SMYD3: variants seen among roughly 807,000 people sequenced by gnomAD.
SMYD3 encodes histone-lysine N-methyltransferase SMYD3.
A neutral mutation model predicts 57.7 loss-of-function variants in SMYD3; 36 were observed. The observed-to-expected ratio is 0.62, with a 90% CI of 0.48 to 0.82. The LOEUF (loss-of-function observed/expected upper bound fraction) is 0.82. Ranked by LOEUF, SMYD3 falls within the 40% of genes least tolerant of loss-of-function variation. The pLI, the probability that SMYD3 is intolerant of heterozygous loss-of-function variation, is 0.00. For synonymous variants in SMYD3, 211 were observed against 195.0 expected (o/e 1.08, Z -0.68); for missense variants, 515 against 538.8 (o/e 0.96, Z 0.44).
intron 10 of SMYD3, among the ~76,000 whole-genome samples, chr1:245,851,019 T>C (rs953000343): frequency 3.3e-5 from 5 of 152,156 alleles, no homozygotes; most frequent in Admixed American, 1.3e-4. Flanking sequence ...ATTCTCTATA[T>C]GAGGCTTTAA....
At chr1:246,271,832 AC>A (rs1334312087) in intron 5 of SMYD3, among the ~76,000 whole-genome samples, 1 of 152,210 alleles carries the variant, frequency 6.6e-6, no homozygotes, top group Non-Finnish European at 1.5e-5. Context: ...CTGCAAAAAA[AC>A]ATCATTGCGA....
intron 1 of SMYD3, among the ~76,000 whole-genome samples, chr1:246,419,016 AC>A (rs143316117): frequency 6.6e-6 from 1 of 151,774 alleles, no homozygotes; most frequent in South Asian, 2.1e-4. Context: ...TTGTGACAAT[AC>A]CCCCTCCCCG....
chr1:246,119,175 C>T (rs1260391288), intron 5 of SMYD3, among the ~76,000 whole-genome samples: 1 of 152,062 alleles, frequency 6.6e-6, no homozygotes, highest in East Asian at 1.9e-4. Flanking sequence ...CGCATGCCAA[C>T]ATGCTTGGCT....
At chr1:246,057,440 AAT>A (rs1204756840) in intron 5 of SMYD3, among the ~76,000 whole-genome samples, 11 of 152,186 alleles carry the variant, frequency 7.2e-5, no homozygotes, top group African/African-American at 2.7e-4. Context: ...CTGTTCCTCA[AAT>A]ATAGTTTTTG....
chr1:246,160,395 G>A (rs1267677828), intron 5 of SMYD3, among the ~76,000 whole-genome samples: 1 of 152,096 alleles, frequency 6.6e-6, no homozygotes, highest in Non-Finnish European at 1.5e-5. Flanking sequence ...CATATTAGTG[G>A]GAAAGCAGAT....
intron 10 of SMYD3, among the ~76,000 whole-genome samples, chr1:245,803,689 A>G (rs1012494654): frequency 2.0e-5 from 3 of 152,232 alleles, no homozygotes; most frequent in African/African-American, 4.8e-5. Context: ...TAAGGAAAGG[A>G]AAATCATTAT....
intron 11 of SMYD3, among the ~76,000 whole-genome samples, chr1:245,762,641 T>G (rs1395025933): frequency 4.6e-5 from 7 of 152,204 alleles, no homozygotes; most frequent in African/African-American, 1.7e-4. Flanking sequence ...AATCCTAGTG[T>G]TACTCCCGTT....
At chr1:246,445,413 T>C (rs560226089) in intron 1 of SMYD3, among the ~76,000 whole-genome samples, 1 of 152,268 alleles carries the variant, frequency 6.6e-6, no homozygotes, top group South Asian at 2.1e-4. Flanking sequence ...GTCCCTAAAA[T>C]TGCCTTCCAT....
rs1388286678 is a variant in SMYD3, at chr1:246,276,279, G to C, written c.531+50922C>G. 3.9e-4 allele frequency among the ~76,000 whole-genome samples: 47 copies of C among 119,842 alleles called. 2 individuals are homozygous for C. Among genetic ancestry groups the C allele is most frequent in the African/African-American group, 1.4e-3 (46 of 33,386 alleles). The allele number at this position is 119,842 out of a possible 152,430, so 78.6% of individuals were successfully genotyped here. A position where few individuals can be genotyped will look rare whatever the true frequency, so the allele number is the denominator to read the frequency against. On this transcript the variant is annotated intron_variant, in intron 5 of 11. Coordinates refer to ENST00000490107, the MANE Select transcript of SMYD3 (RefSeq NM_001167740.2). ...GAATACTAACTCTGTTTTTTCACTA[G>C]CCGTATTAACACTGGCAAGTTATTT... is the stretch of plus-strand genomic sequence containing the variant.
chr1:246,036,600 C>T (rs1231441515), intron 5 of SMYD3, among the ~76,000 whole-genome samples: 1 of 150,388 alleles, frequency 6.6e-6, no homozygotes, highest in African/African-American at 2.4e-5. Context: ...GTTGCCCAGG[C>T]TGGAGTGCAG....
intron 5 of SMYD3, among the ~76,000 whole-genome samples, chr1:246,149,798 C>T (rs112607215): frequency 6.4e-4 from 97 of 152,300 alleles, no homozygotes; most frequent in African/African-American, 2.3e-3. Context: ...ATAGAGATCA[C>T]GATTCTAAGG....
chr1:246,425,492 C>T (rs1215357273), intron 1 of SMYD3, among the ~76,000 whole-genome samples: 2 of 152,174 alleles, frequency 1.3e-5, no homozygotes, highest in Non-Finnish European at 2.9e-5. Context: ...AAGCCACAGC[C>T]ACTCTCTGCC....
At chr1:245,821,002 A>G (rs1390256338) in intron 10 of SMYD3, among the ~76,000 whole-genome samples, 1 of 151,126 alleles carries the variant, frequency 6.6e-6, no homozygotes, top group Non-Finnish European at 1.5e-5. Flanking sequence ...TGCCATCCCC[A>G]TGAAGCTACC....
intron 5 of SMYD3, among the ~76,000 whole-genome samples, chr1:246,067,014 A>T (rs1454734543): frequency 1.3e-5 from 2 of 152,210 alleles, no homozygotes; most frequent in Non-Finnish European, 2.9e-5. Flanking sequence ...TGAAGCGGTA[A>T]ACTTTTAGAT....
chr1:246,438,041 T>C (rs1478930441), intron 1 of SMYD3, among the ~76,000 whole-genome samples: 2 of 147,852 alleles, frequency 1.4e-5, no homozygotes, highest in Admixed American at 1.4e-4. Flanking sequence ...GGTTAAAAGC[T>C]GTTTTAAGAT....
chr1:245,791,330 G>T (rs2047257555), intron 10 of SMYD3, among the ~76,000 whole-genome samples: 1 of 152,152 alleles, frequency 6.6e-6, no homozygotes, highest in Non-Finnish European at 1.5e-5. Flanking sequence ...TTCCTCTTGG[G>T]CACTAAAGTA....
chr1:246,024,227 T>C (rs984158012), intron 5 of SMYD3, among the ~76,000 whole-genome samples: 2 of 152,228 alleles, frequency 1.3e-5, no homozygotes, highest in Non-Finnish European at 2.9e-5. Context: ...ATAGCTTACA[T>C]TTTATCTTTT....
chr1:246,389,987 G>A (rs1192793689), intron 1 of SMYD3, among the ~76,000 whole-genome samples: 1 of 151,982 alleles, frequency 6.6e-6, no homozygotes, highest in African/African-American at 2.4e-5. Context: ...TACCAGAAGG[G>A]GCAGATCTGC....
At chr1:245,845,723 T>C (rs561925785) in intron 10 of SMYD3, among the ~76,000 whole-genome samples, 2 of 152,372 alleles carry the variant, frequency 1.3e-5, no homozygotes, top group African/African-American at 4.8e-5. Flanking sequence ...GGCGGAGAGC[T>C]GCTGCTTCCT....
Sources: allele counts gnomAD v4.1 joint callset (sites outside exome capture counted in the v4.1 genomes callset), GRCh38; gene constraint gnomAD v4.1.1; transcripts MANE v1.5; gene names NCBI Gene and HGNC (gene_info 2026-07-23, HGNC 2026-07-21).